The following GC variants were observed in gnomAD, a reference collection of about 807,000 sequenced individuals.
GC encodes the protein vitamin D-binding protein.
GC carries 43 observed loss-of-function variants against 56.7 expected under a neutral mutation model. The ratio of observed to expected loss-of-function variants is 0.76; its 90% CI spans 0.59 to 0.98. The LOEUF (loss-of-function observed/expected upper bound fraction) is 0.98. GC is among the 50% of genes least tolerant of loss of function. The pLI, the probability that GC is intolerant of heterozygous loss-of-function variation, is 0.00. For synonymous variants in GC, 216 were observed against 202.7 expected, an observed-to-expected ratio of 1.07 and a Z score of -0.56; for missense variants, 529 against 545.9, an observed-to-expected ratio of 0.97 and a Z score of 0.31.
upstream of GC, among the ~76,000 whole-genome samples, chr4:71,786,615 G>C (rs1458862295): frequency 6.6e-6 from 1 of 151,772 alleles, no homozygotes; most frequent in East Asian, 1.9e-4. Flanking sequence ...GGCTTCAGAG[G>C]AAATGCAGAT....
chr4:71,757,579 G>A lies in GC; in HGVS notation c.831+463C>T, dbSNP rs533446557. ...CTACTAGTATAATGGTTGAAGTGCC[G>A]CTTAATGGAACTTTACGCAATAATG... is the stretch of plus-strand genomic sequence containing the variant. On this transcript the variant is annotated intron_variant, in intron 7 of 12. Coordinates refer to ENST00000273951, the MANE Select transcript of GC (RefSeq NM_000583.4). Among the ~76,000 whole-genome samples, 23 of 145,012 alleles carry A rather than the reference G, an allele frequency of 1.6e-4. No homozygotes were observed. In the East Asian group the frequency reaches 2.9e-3, roughly 18 times the overall value.
rs75856777 is a variant in GC at position 71,769,646 on chromosome 4, G to A, written c.59-246C>T. 1.0e-2 allele frequency: 3,885 copies of A among 390,074 alleles called. 116 individuals carry two copies. The highest frequency in any genetic ancestry group is 0.071 in the African/African-American group (3,493 of 49,304). The allele number at this position is 390,074 out of a possible 1,614,324, so 24.2% of individuals were successfully genotyped here. The stretch of plus-strand genomic sequence containing the variant: ...AGGAGAGAGTAAACTAATACTGAAC[G>A]TAAGTGAGTCAAATGATACATGTCA... On this transcript the variant is annotated intron_variant, in intron 1 of 12. Coordinates refer to ENST00000273951, the MANE Select transcript of GC (RefSeq NM_000583.4).
chr4:71,777,824 G>A (rs941405505), intron 1 of GC, among the ~76,000 whole-genome samples: 5 of 151,046 alleles, frequency 3.3e-5, no homozygotes, highest in African/African-American at 9.7e-5. Context: ...CTCATAAATG[G>A]GAGTCGAACA....
upstream of GC, among the ~76,000 whole-genome samples, chr4:71,788,662 GAAGGA>G (rs1421587832): frequency 1.4e-5 from 2 of 138,866 alleles, no homozygotes; most frequent in African/African-American, 5.3e-5. Context: ...AAGGGAGAAA[GAAGGA>G]AAGAAAGAAA....
At chr4:71,777,502 C>T (rs1742544609) in intron 1 of GC, among the ~76,000 whole-genome samples, 1 of 149,802 alleles carries the variant, frequency 6.7e-6, no homozygotes, top group African/African-American at 2.5e-5. Flanking sequence ...GGATATAATT[C>T]CTTAGATATA....
chr4:71,753,972 T>C (rs1046196876), intron 10 of GC, among the ~76,000 whole-genome samples: 5 of 152,146 alleles, frequency 3.3e-5, no homozygotes, highest in Admixed American at 6.5e-5. Flanking sequence ...TATGGCTGTT[T>C]TAATTGGCCA....
rs1742119839 is a variant in GC, at chr4:71,765,337, C to T, written c.473+95G>A. The T allele has an allele frequency of 3.2e-6, 3 of 938,824 alleles. No individual in the cohort carries two copies. In the South Asian group the frequency reaches 4.1e-5, roughly 13 times the overall value. 58.2% of individuals were successfully genotyped at this position (938,824 alleles called of 1,614,324 possible). A position where few individuals can be genotyped will look rare whatever the true frequency, so the allele number is the denominator to read the frequency against. ...AAGTTATCAGAATTTGTTCAGGTTGCTGTAGAAGAGGTGTTTCCACAGAGT... is the reference window on the plus strand; with the variant it reads ...AAGTTATCAGAATTTGTTCAGGTTGTTGTAGAAGAGGTGTTTCCACAGAGT... On this transcript the variant is annotated intron_variant, in intron 4 of 12. Coordinates refer to ENST00000273951, the MANE Select transcript of GC (RefSeq NM_000583.4).
chr4:71,789,294 A>G (rs1742917338), intron 1 of GC, among the ~76,000 whole-genome samples: 1 of 151,936 alleles, frequency 6.6e-6, no homozygotes, highest in African/African-American at 2.4e-5. Context: ...TTAAATATAT[A>G]TATTTCCAGG....
exon 1 of GC, chr4:71,803,954 C>T: frequency 6.7e-7 from 1 of 1,496,246 alleles, no homozygotes; most frequent in Admixed American, 2.0e-5. Context: ...CATTTCCTAC[C>T]AGTTGGACTA....
intron 3 of GC, among the ~76,000 whole-genome samples, chr4:71,766,158 T>C (rs764456508): frequency 5.9e-5 from 9 of 152,338 alleles, no homozygotes; most frequent in Admixed American, 3.3e-4. Flanking sequence ...TTCTACATTA[T>C]TTGCATTCTC....
chr4:71,750,486 C>A (rs1741511434), intron 11 of GC, among the ~76,000 whole-genome samples: 1 of 152,094 alleles, frequency 6.6e-6, no homozygotes, highest in South Asian at 2.1e-4. Flanking sequence ...AAATTAAGTT[C>A]TTGGGTATTT....
rs9016 is a variant in GC, at chr4:71,752,579, T to A, written c.1334A>T (p.His445Leu). 1.2e-6 allele frequency: 2 copies of A among 1,612,968 alleles called. No individual in the cohort carries two copies. The highest frequency in any genetic ancestry group is 8.5e-7 in the Non-Finnish European group (1 of 1,178,978). ...PTELAKLVNK[H>L]SDFASNCCSI... is the part of the protein sequence containing the mutation. The stretch of plus-strand genomic sequence containing the variant: ...ACAGCAGTTGGAGGCAAAGTCTGAG[T>A]GCTTGTTAACCAGCTTTGCCAGTTC... The change falls in exon 11 of 13, where the codon CAC (histidine) becomes CTC (leucine). Residue 445 changes from histidine (H) to leucine (L), a missense_variant. Coordinates refer to ENST00000273951, the MANE Select transcript of GC (RefSeq NM_000583.4).
chr4:71,770,104 G>C (rs1056744044), intron 1 of GC, among the ~76,000 whole-genome samples: 1 of 152,194 alleles, frequency 6.6e-6, no homozygotes, highest in African/African-American at 2.4e-5. Flanking sequence ...AAACCACTCA[G>C]CGCTTGACAG....
intron 1 of GC, among the ~76,000 whole-genome samples, chr4:71,795,639 G>T (rs369412266): frequency 1.3e-5 from 2 of 152,162 alleles, no homozygotes; most frequent in East Asian, 3.8e-4. Flanking sequence ...TTTAATTGGG[G>T]CATTTAGCCC....
rs372753115 is a variant in GC at position 71,774,508 on chromosome 4, G to GC, written c.59-5109_59-5108insG. Reference sequence around the variant, plus strand: ...TTGCTTTTGTAGGGGTAAAGATAGAGGGGGAGGTTTGCCTCTTCCACTTTT... The same window carrying GC: ...TTGCTTTTGTAGGGGTAAAGATAGAGCGGGGAGGTTTGCCTCTTCCACTTTT... On this transcript the variant is annotated intron_variant, in intron 1 of 12. Coordinates refer to ENST00000273951, the MANE Select transcript of GC (RefSeq NM_000583.4). 4.2e-3 allele frequency among the ~76,000 whole-genome samples: 235 copies of GC among 55,640 alleles called. 1 individual carries two copies. The highest frequency in any genetic ancestry group is 0.012 in the Non-Finnish European group (164 of 13,496). 36.5% of individuals were successfully genotyped at this position (55,640 alleles called of 152,430 possible).
intron 1 of GC, among the ~76,000 whole-genome samples, chr4:71,796,831 A>T (rs914380656): frequency 1.3e-5 from 2 of 152,050 alleles, no homozygotes; most frequent in African/African-American, 4.8e-5. Context: ...GATGTTGGTG[A>T]CCTACATATG....
intron 1 of GC, among the ~76,000 whole-genome samples, chr4:71,783,566 C>A (rs1742753159): frequency 1.3e-5 from 2 of 151,784 alleles, no homozygotes; most frequent in Non-Finnish European, 2.9e-5. Flanking sequence ...TGGTATATTA[C>A]ACTCAATGGT....
chr4:71,748,624 G>A (rs997124240), intron 11 of GC, among the ~76,000 whole-genome samples: 1 of 152,058 alleles, frequency 6.6e-6, no homozygotes, highest in Admixed American at 6.6e-5. Flanking sequence ...GTAACTATAG[G>A]TTTTTCTGTA....
intron 1 of GC, among the ~76,000 whole-genome samples, chr4:71,780,829 A>C (rs572998530): frequency 1.3e-5 from 2 of 152,280 alleles, no homozygotes; most frequent in East Asian, 3.9e-4. Context: ...CAGTGTGACT[A>C]TTCCTCAAGG....
Sources: gnomAD v4.1 joint callset for allele counts (sites outside exome capture counted in the v4.1 genomes callset) on GRCh38, gnomAD v4.1.1 for gene constraint, MANE v1.5 for transcripts, NCBI Gene and HGNC (gene_info 2026-07-23, HGNC 2026-07-21) for gene names.